MARK3: variants seen among roughly 807,000 people sequenced by gnomAD.
The protein encoded by MARK3 is MAP/microtubule affinity-regulating kinase 3.
In MARK3, 46 loss-of-function variants were observed where a neutral mutation model predicts 90.1. The ratio of observed to expected loss-of-function variants is 0.51; its 90% confidence interval spans 0.40 to 0.65. MARK3 has a LOEUF of 0.65. Among genes scored for constraint, MARK3 ranks in the 30% least tolerant of loss-of-function variants. The probability of loss-of-function intolerance (pLI) is 0.00; values close to 1 mark genes in which losing one functional copy is unlikely to be tolerated. For missense variants in MARK3, 818 were observed against 947.2 expected, an observed-to-expected ratio of 0.86 and a Z score of 1.79; for synonymous variants, 321 against 332.6, an observed-to-expected ratio of 0.97 and a Z score of 0.38.
rs759932678 is a variant in MARK3 at position 103,468,314 on chromosome 14, C to CT, written c.1264+156dup. 764 of 116,124 alleles carry CT rather than the reference C, an allele frequency of 6.6e-3. 61 individuals are homozygous for CT. The highest frequency in any genetic ancestry group is 0.024 in the African/African-American group (418 of 17,586). 7.2% of individuals were successfully genotyped at this position (116,124 alleles called of 1,614,324 possible). A position where few individuals can be genotyped will look rare whatever the true frequency, so the allele number is the denominator to read the frequency against. ...CTTGGCATTGCTTTCTTTCTTTCTT[C>CT]TTTTTTTTTTTTTTTTTTTTTTTTT... On this transcript the variant is annotated intron_variant, in intron 12 of 17. Coordinates refer to ENST00000429436, the MANE Select transcript of MARK3 (RefSeq NM_001128918.3).
At position 103,440,935 on chromosome 14, in the gene MARK3, T is replaced by TAA. The variant is rs35047818; in HGVS notation, c.298-7972_298-7971dup. 9.7e-4 allele frequency among the ~76,000 whole-genome samples: 127 copies of TAA among 130,830 alleles called. 2 individuals carry two copies. Among genetic ancestry groups the TAA allele is most frequent in the Middle Eastern group, 3.8e-3 (1 of 260 alleles). 85.8% of individuals were successfully genotyped at this position (130,830 alleles called of 152,430 possible). On this transcript the variant is annotated intron_variant, in intron 3 of 17. Coordinates refer to ENST00000429436, the MANE Select transcript of MARK3 (RefSeq NM_001128918.3). Reference sequence around the variant, plus strand: ...AGGGTAACAGAGCAGGAGCCCCTCTTAAAAAAAAAAAAAGAAAAGAAAAGA... The same window carrying TAA: ...AGGGTAACAGAGCAGGAGCCCCTCTTAAAAAAAAAAAAAAAGAAAAGAAAAGA...
Position 103,411,797 on chromosome 14 carries a change from A to G in MARK3, c.243+6530A>G, listed in dbSNP as rs183894718. Among the ~76,000 whole-genome samples the G allele has an allele frequency of 9.3e-4, 140 of 150,684 alleles. 2 individuals carry two copies. Among genetic ancestry groups the G allele is most frequent in the African/African-American group, 3.4e-3 (139 of 40,962 alleles). ...GCCACCACGCCCAGCTAATTTTTGT[A>G]TTTTTAGTAGAGAGGGGATTTCATC... is the stretch of plus-strand genomic sequence containing the variant. On this transcript the variant is annotated intron_variant, in intron 2 of 17. Coordinates refer to ENST00000429436, the MANE Select transcript of MARK3 (RefSeq NM_001128918.3).
At chr14:103,417,104 A>G (rs949570924) in intron 2 of MARK3, among the ~76,000 whole-genome samples, 3 of 152,238 alleles carry the variant, frequency 2.0e-5, no homozygotes, top group African/African-American at 7.2e-5. Flanking sequence ...GCTACTCTCC[A>G]GCCACATTCA....
At chr14:103,411,951 CT>C (rs56292310) in intron 2 of MARK3, among the ~76,000 whole-genome samples, 37,523 of 143,162 alleles carry the variant, frequency 0.26, 5,867 homozygotes, top group Middle Eastern at 0.43. Context: ...ATTTTCATAG[CT>C]TTTTTTTTTT....
At chr14:103,398,937 C>G (rs1311156430) in intron 1 of MARK3, among the ~76,000 whole-genome samples, 1 of 152,130 alleles carries the variant, frequency 6.6e-6, no homozygotes, top group Non-Finnish European at 1.5e-5. Context: ...GGGCACACTT[C>G]TTTTGTTTTA....
intron 5 of MARK3, among the ~76,000 whole-genome samples, chr14:103,453,422 G>T (rs1391534081): frequency 6.6e-6 from 1 of 152,176 alleles, no homozygotes; most frequent in African/African-American, 2.4e-5. Context: ...TTTGATCCAT[G>T]TTACAAAACC....
At chr14:103,390,177 G>A (rs1485927766) in intron 1 of MARK3, among the ~76,000 whole-genome samples, 1 of 152,024 alleles carries the variant, frequency 6.6e-6, no homozygotes, top group African/African-American at 2.4e-5. Flanking sequence ...GATCCCGGGA[G>A]GCGGAGCTTG....
chr14:103,487,543 A>G (rs934722544), intron 14 of MARK3, among the ~76,000 whole-genome samples: 4 of 151,866 alleles, frequency 2.6e-5, no homozygotes, highest in Non-Finnish European at 4.4e-5. Context: ...TCCTTCTCCA[A>G]AGACTTTGGG....
rs868612290 is a variant in MARK3 at position 103,482,684 on chromosome 14, C to T, written c.1586+2194C>T. ...CTCTCTGCTTCCATCCTGTGCTACA[C>T]GTATCATACACCAGGCACATGCATA... On this transcript the variant is annotated intron_variant, in intron 14 of 17. Transcript: ENST00000429436. Among the ~76,000 whole-genome samples the T allele has an allele frequency of 2.0e-5, 3 of 152,136 alleles. No individual in the cohort carries two copies. The East Asian group carries it at 5.8e-4, about 29-fold the overall frequency.
In MARK3 at chr14:103,503,437, C is replaced by G; in HGVS notation, c.*210C>G. On this transcript the variant is annotated 3_prime_UTR_variant, in exon 18 of 18. Transcript: ENST00000429436. ...ATGTGCAACCTATGCGCCCCCTGCC[C>G]TACTTCCGTTACCCTGAGAGTCGGT... 1.8e-6 allele frequency: 1 copy of G among 562,898 alleles called. No individual in the cohort carries two copies. The highest frequency in any genetic ancestry group is 3.1e-6 in the Non-Finnish European group (1 of 319,812). The allele number at this position is 562,898 out of a possible 1,614,324, so 34.9% of individuals were successfully genotyped here.
chr14:103,502,068 G>C (rs1000148722), intron 17 of MARK3, among the ~76,000 whole-genome samples: 1 of 152,150 alleles, frequency 6.6e-6, no homozygotes, highest in Non-Finnish European at 1.5e-5. Flanking sequence ...ATAACGGCTT[G>C]TGGCAATAAT....
chr14:103,415,693 CACTT>C (rs1417618319), intron 2 of MARK3, among the ~76,000 whole-genome samples: 26 of 152,346 alleles, frequency 1.7e-4, no homozygotes, highest in African/African-American at 6.3e-4. Context: ...CTACAGAACT[CACTT>C]GTTTCAGTCA....
chr14:103,466,847 C>G (rs1176623035), intron 10 of MARK3, among the ~76,000 whole-genome samples: 2 of 151,602 alleles, frequency 1.3e-5, no homozygotes, highest in Admixed American at 6.6e-5. Flanking sequence ...TCTACTAAAA[C>G]TACAAAATTA....
chr14:103,476,793 G>T (rs62007719), intron 13 of MARK3, among the ~76,000 whole-genome samples: 39,700 of 152,072 alleles, frequency 0.26, 6,455 homozygotes, highest in Middle Eastern at 0.45. Flanking sequence ...ACCCCAAGGG[G>T]CTTTGCATGT....
chr14:103,459,938 T>C (rs775464707), intron 6 of MARK3, among the ~76,000 whole-genome samples: 46 of 151,976 alleles, frequency 3.0e-4, no homozygotes, highest in Non-Finnish European at 6.5e-4. Flanking sequence ...GTGATCCCTT[T>C]TCCATATTCA....
Position 103,486,387 on chromosome 14 carries a change from C to T in MARK3, c.1587-5390C>T, listed in dbSNP as rs867001996. On this transcript the variant is annotated intron_variant, in intron 14 of 17. Coordinates refer to ENST00000429436, the MANE Select transcript of MARK3 (RefSeq NM_001128918.3). ...CTGGGAGATGGAGGTTGTAGTGAGC[C>T]GAGATCACACCATTGTATTCCAGCC... Among the ~76,000 whole-genome samples, 4 of 150,978 alleles carry T rather than the reference C, an allele frequency of 2.6e-5. No homozygotes were observed. In the South Asian group the frequency reaches 6.3e-4, roughly 24 times the overall value.
At chr14:103,454,004 T>C (rs547842862) in intron 5 of MARK3, among the ~76,000 whole-genome samples, 137 of 152,308 alleles carry the variant, frequency 9.0e-4, no homozygotes, top group African/African-American at 3.2e-3. Context: ...ATTACTCATA[T>C]AGGGGCAAGA....
chr14:103,438,945 G>A (rs2092782759), intron 3 of MARK3, among the ~76,000 whole-genome samples: 1 of 151,032 alleles, frequency 6.6e-6, no homozygotes, highest in Non-Finnish European at 1.5e-5. Flanking sequence ...CCATGTTCAT[G>A]CCACTGCATT....
chr14:103,452,294 G>A (rs1158274038), intron 5 of MARK3, among the ~76,000 whole-genome samples: 2 of 152,030 alleles, frequency 1.3e-5, no homozygotes, highest in East Asian at 3.9e-4. Flanking sequence ...TGTTCACGTT[G>A]CCCTCACCAC....
Sources: allele counts gnomAD v4.1 joint callset (sites outside exome capture counted in the v4.1 genomes callset), GRCh38; gene constraint gnomAD v4.1.1; transcripts MANE v1.5; gene names NCBI Gene and HGNC (gene_info 2026-07-23, HGNC 2026-07-21).